GPA33: variants seen among roughly 807,000 people sequenced by gnomAD.
GPA33 encodes glycoprotein A33.
In GPA33, 27 loss-of-function variants were observed where a neutral mutation model predicts 35.6. The observed-to-expected ratio is 0.76, with a 90% CI of 0.56 to 1.04. GPA33 has a LOEUF of 1.04. Among genes scored for constraint, GPA33 ranks in the 50% least tolerant of loss-of-function variants. The pLI is 0.00. For synonymous variants in GPA33, 176 were observed against 164.0 expected, an observed-to-expected ratio of 1.07 and a Z score of -0.56; for missense variants, 428 against 411.9, an observed-to-expected ratio of 1.04 and a Z score of -0.34.
chr1:167,085,052 C>T lies in GPA33; in HGVS notation c.43+5193G>A, dbSNP rs111542810. Among the ~76,000 whole-genome samples the T allele has an allele frequency of 1.5e-3, 221 of 152,242 alleles. 1 individual carries two copies. The highest frequency in any genetic ancestry group is 2.7e-3 in the Non-Finnish European group (187 of 68,024). The stretch of plus-strand genomic sequence containing the variant: ...GTTCCACAAATCTAAGTTGAGAAGT[C>T]ATGTGGGCTGTTGGACTTGTGAGAC... On this transcript the variant is annotated intron_variant, in intron 1 of 6. Transcript: ENST00000367868.
Position 167,090,313 on chromosome 1 carries a change from C to A in GPA33, c.-26G>T, listed in dbSNP as rs756743981. 2.5e-6 allele frequency: 4 copies of A among 1,606,260 alleles called. No individual in the cohort carries two copies. The highest frequency in any genetic ancestry group is 3.3e-5 in the Admixed American group (2 of 59,978). ...GGTCTTGCTTCTTCTCTGCCCTAAA[C>A]CTAACCTGTCACTGGCAGCCTCCAG... On this transcript the variant is annotated 5_prime_UTR_variant, in exon 1 of 7. Transcript: ENST00000367868.
chr1:167,070,397 C>T (rs1475332184), intron 2 of GPA33, among the ~76,000 whole-genome samples: 1 of 152,018 alleles, frequency 6.6e-6, no homozygotes, highest in Non-Finnish European at 1.5e-5. Flanking sequence ...TTCACAACAC[C>T]CCTAAAGTAG....
At chr1:167,056,730 G>GGTGCA (rs1320260924) in intron 4 of GPA33, among the ~76,000 whole-genome samples, 55 of 146,164 alleles carry the variant, frequency 3.8e-4, no homozygotes, top group East Asian at 6.2e-4. Context: ...AGTGTGTGAT[G>GGTGCA]TATGTGGTGT....
At chr1:167,083,854 G>T (rs1472993590) in intron 1 of GPA33, among the ~76,000 whole-genome samples, 1 of 152,134 alleles carries the variant, frequency 6.6e-6, no homozygotes, top group African/African-American at 2.4e-5. Flanking sequence ...TTTCTTGGGG[G>T]TGTATGATTC....
intron 2 of GPA33, 26 bp from the exon 3 acceptor site, chr1:167,069,164 G>T: frequency 6.5e-7 from 1 of 1,529,530 alleles, no homozygotes; most frequent in Non-Finnish European, 9.0e-7. Flanking sequence ...ATGGCACCAG[G>T]TCTTCACCCA....
chr1:167,080,321 G>C (rs1666900622), intron 1 of GPA33, among the ~76,000 whole-genome samples: 2 of 152,210 alleles, frequency 1.3e-5, no homozygotes, highest in Non-Finnish European at 2.9e-5. Flanking sequence ...ATACAGGTTA[G>C]AAGTGCAAGC....
intron 3 of GPA33, among the ~76,000 whole-genome samples, chr1:167,064,747 G>A (rs1031845331): frequency 6.6e-6 from 1 of 152,058 alleles, no homozygotes; most frequent in African/African-American, 2.4e-5. Context: ...GTTCTTTCTG[G>A]GTTCAGCACC....
At chr1:167,067,381 C>T (rs1475036819) in intron 3 of GPA33, among the ~76,000 whole-genome samples, 1 of 152,108 alleles carries the variant, frequency 6.6e-6, no homozygotes, top group African/African-American at 2.4e-5. Context: ...GGATTACAGG[C>T]TTGAGCTACC....
chr1:167,068,102 T>C (rs904104732), intron 3 of GPA33, among the ~76,000 whole-genome samples: 1 of 151,862 alleles, frequency 6.6e-6, no homozygotes, highest in Non-Finnish European at 1.5e-5. Flanking sequence ...TTAAAATAAA[T>C]TTAATTTAAA....
intron 1 of GPA33, among the ~76,000 whole-genome samples, chr1:167,077,663 T>C (rs1475900437): frequency 6.6e-6 from 1 of 152,200 alleles, no homozygotes; most frequent in African/African-American, 2.4e-5. Context: ...GTCATTCCTT[T>C]AGACAATGGA....
intron 1 of GPA33, among the ~76,000 whole-genome samples, chr1:167,073,942 C>T (rs956173860): frequency 1.3e-5 from 2 of 152,038 alleles, no homozygotes; most frequent in African/African-American, 4.8e-5. Context: ...GCATAGAAAA[C>T]TCTCAATAAA....
intron 1 of GPA33, among the ~76,000 whole-genome samples, chr1:167,089,264 T>C (rs1667112373): frequency 6.6e-6 from 1 of 152,140 alleles, no homozygotes; most frequent in Admixed American, 6.5e-5. Flanking sequence ...GGCCCGGGGC[T>C]TTCCTGTGTA....
At position 167,054,254 on chromosome 1, in the gene GPA33, G is replaced by T; in HGVS notation, c.*80C>A. Reference sequence around the variant, plus strand: ...TGGGATGGAGGGACAGGAGAACAGGGCTTAGAAAGGAGAAGGGAGGCCAGG... The same window carrying T: ...TGGGATGGAGGGACAGGAGAACAGGTCTTAGAAAGGAGAAGGGAGGCCAGG... On this transcript the variant is annotated 3_prime_UTR_variant, in exon 7 of 7. Coordinates refer to ENST00000367868, the MANE Select transcript of GPA33 (RefSeq NM_005814.3). 10 of 1,540,718 alleles carry T rather than the reference G, an allele frequency of 6.5e-6. No individual in the cohort carries two copies. Among genetic ancestry groups the T allele is most frequent in the Non-Finnish European group, 8.9e-6 (10 of 1,125,950 alleles).
At chr1:167,079,944 G>A (rs1666893112) in intron 1 of GPA33, among the ~76,000 whole-genome samples, 2 of 152,204 alleles carry the variant, frequency 1.3e-5, no homozygotes, top group South Asian at 2.1e-4. Context: ...TCCGTACTCA[G>A]TGAATGAGAC....
rs1199574636 is a variant in GPA33, at chr1:167,069,061, G to A, written c.276C>T (p.Ser92=). Residue 92 remains serine (S), a synonymous_variant, in exon 3 of 7, where the codon TCC becomes TCT. Transcript: ENST00000367868. ...AGGCATCGGACTGCTCAGCATTGTT[G>A]GATATGCTGACGCGATTCTTATAAA... is the stretch of plus-strand genomic sequence containing the variant. The part of the protein sequence containing the change: ...GELYKNRVSI[S]NNAEQSDASI... The A allele has an allele frequency of 6.2e-7, 1 of 1,613,294 alleles. No individual in the cohort carries two copies. The highest frequency in any genetic ancestry group is 1.3e-5 in the African/African-American group (1 of 74,898).
chr1:167,088,084 A>G (rs1021001441), intron 1 of GPA33, among the ~76,000 whole-genome samples: 1 of 152,174 alleles, frequency 6.6e-6, no homozygotes, highest in African/African-American at 2.4e-5. Flanking sequence ...TCATCAGTGC[A>G]GTGCTTCCCT....
chr1:167,075,395 GGGCCAA>G (rs1234160080), intron 1 of GPA33, among the ~76,000 whole-genome samples: 1 of 152,110 alleles, frequency 6.6e-6, no homozygotes, highest in Non-Finnish European at 1.5e-5. Context: ...TTAGAAGGTA[GGGCCAA>G]TGGGATTTGA....
At chr1:167,082,097 C>T (rs187869537) in intron 1 of GPA33, 46 of 345,534 alleles carry the variant, frequency 1.3e-4, no homozygotes, top group African/African-American at 7.9e-4. Context: ...ATTCAATTCA[C>T]GGTGTTGGAC....
chr1:167,056,950 TGTA>T (rs1666320390), intron 4 of GPA33, among the ~76,000 whole-genome samples: 1 of 147,262 alleles, frequency 6.8e-6, no homozygotes, highest in African/African-American at 2.5e-5. Flanking sequence ...GTGTGGCGTG[TGTA>T]GTATGTGTGG....
Sources: gnomAD v4.1 joint callset for allele counts (sites outside exome capture counted in the v4.1 genomes callset) on GRCh38, gnomAD v4.1.1 for gene constraint, MANE v1.5 for transcripts, NCBI Gene and HGNC (gene_info 2026-07-23, HGNC 2026-07-21) for gene names.